Variants in UNC80 observed in about 807,000 individuals in gnomAD.
UNC80 encodes the protein unc-80 subunit of NALCN channel complex.
UNC80 carries 164 observed loss-of-function variants against 384.6 expected under a neutral mutation model. The ratio of observed to expected loss-of-function variants is 0.43; its 90% CI spans 0.38 to 0.49. The LOEUF (loss-of-function observed/expected upper bound fraction) is 0.49, where lower values mean the gene tolerates loss of function less well. Among genes scored for constraint, UNC80 ranks in the 20% least tolerant of loss-of-function variants. UNC80 has a pLI of 0.00. For missense variants in UNC80, 3,330 were observed against 4,143.0 expected, an observed-to-expected ratio of 0.80 and a Z score of 5.39; for synonymous variants, 1,486 against 1,527.8, an observed-to-expected ratio of 0.97 and a Z score of 0.64.
chr2:209,790,987 A>G (rs534845562), intron 6 of UNC80, among the ~76,000 whole-genome samples: 35 of 152,348 alleles, frequency 2.3e-4, no homozygotes, highest in Non-Finnish European at 3.8e-4. Context: ...CATCTTAGAT[A>G]CAATGAAATA....
chr2:209,885,921 C>G (rs530987458), intron 25 of UNC80, among the ~76,000 whole-genome samples: 65 of 152,004 alleles, frequency 4.3e-4, no homozygotes, highest in African/African-American at 1.4e-3. Flanking sequence ...CCTGCCATCA[C>G]GCCCACCTAA....
intron 23 of UNC80, among the ~76,000 whole-genome samples, chr2:209,875,041 C>CT (rs1311775747): frequency 6.6e-6 from 1 of 152,118 alleles, no homozygotes; most frequent in Non-Finnish European, 1.5e-5. Flanking sequence ...GATGATTAAA[C>CT]TTTTTTCCTA....
chr2:209,873,973 A>G (rs1559240621), intron 23 of UNC80, among the ~76,000 whole-genome samples: 2 of 122,256 alleles, frequency 1.6e-5, no homozygotes, highest in Admixed American at 1.6e-4. Context: ...AGATACACGT[A>G]TGTATGTGTG....
Position 209,945,895 on chromosome 2 carries a change from T to C in UNC80, c.7238T>C (p.Ile2413Thr), listed in dbSNP as rs1342762702. 4 of 1,552,100 alleles carry C rather than the reference T, an allele frequency of 2.6e-6. No individual in the cohort carries two copies. Among genetic ancestry groups the C allele is most frequent in the Non-Finnish European group, 3.5e-6 (4 of 1,147,018 alleles). The change falls in exon 47 of 65, where the codon ATT becomes ACT. Residue 2413 changes from isoleucine (I) to threonine (T), a missense_variant. Around this residue, in one of 8 missense-constraint regions of UNC80, gnomAD observed 1,049 missense variants for 1,488.6 expected, o/e 0.70. Coordinates refer to ENST00000673920, the MANE Select transcript of UNC80 (RefSeq NM_001371986.1). ...CTGACATTTTCTATCAGTGAAGCCA[T>C]TAAGCTCTGTGTCACTGTGGTGGCG... Reference protein sequence around the residue: ...EDLTFSISEAIKLCVTVVAYA... With the variant: ...EDLTFSISEATKLCVTVVAYA...
intron 7 of UNC80, among the ~76,000 whole-genome samples, chr2:209,811,378 T>C (rs1253272441): frequency 6.6e-6 from 1 of 152,138 alleles, no homozygotes; most frequent in Non-Finnish European, 1.5e-5. Flanking sequence ...TTGAATAATA[T>C]ATTGAAAGGA....
At chr2:209,846,410 T>G (rs1265302950) in intron 21 of UNC80, among the ~76,000 whole-genome samples, 1 of 152,100 alleles carries the variant, frequency 6.6e-6, no homozygotes, top group Non-Finnish European at 1.5e-5. Context: ...TAAAACAATT[T>G]TTTTCAAGTA....
At chr2:209,923,723 C>T (rs371467732) in intron 35 of UNC80, among the ~76,000 whole-genome samples, 94 of 152,272 alleles carry the variant, frequency 6.2e-4, no homozygotes, top group African/African-American at 2.2e-3. Flanking sequence ...CTGATGTTAA[C>T]ATAGATACTC....
chr2:209,894,939 G>A (rs748524530), intron 27 of UNC80, among the ~76,000 whole-genome samples: 1 of 152,122 alleles, frequency 6.6e-6, no homozygotes, highest in Non-Finnish European at 1.5e-5. Context: ...AGTCATTTAG[G>A]TTCTCAGGGA....
intron 4 of UNC80, among the ~76,000 whole-genome samples, chr2:209,780,511 A>C (rs2077097432): frequency 6.6e-6 from 1 of 152,096 alleles, no homozygotes; most frequent in African/African-American, 2.4e-5. Flanking sequence ...CTAGATCAGG[A>C]TTTCTCAGCC....
At chr2:209,994,404 T>A in intron 64 of UNC80, 140 bp downstream of exon 64, 3 of 716,400 alleles carry the variant, frequency 4.2e-6, no homozygotes, top group South Asian at 5.1e-5. Flanking sequence ...GCTCCTGCCA[T>A]CATGAAAGAG....
At chr2:209,784,127 G>A (rs78136000) in intron 4 of UNC80, among the ~76,000 whole-genome samples, 1,775 of 152,226 alleles carry the variant, frequency 0.012, 17 homozygotes, top group Admixed American at 0.025. Context: ...TCCACTTCCA[G>A]ACTATTAGCA....
At chr2:209,960,432 C>T (rs1296102399) in intron 51 of UNC80, among the ~76,000 whole-genome samples, 1 of 152,168 alleles carries the variant, frequency 6.6e-6, no homozygotes, top group Admixed American at 6.5e-5. Flanking sequence ...TCCAGAGGAC[C>T]TTCTATTCAG....
At chr2:209,820,858 A>G (rs13034819) in intron 13 of UNC80, among the ~76,000 whole-genome samples, 179 bp downstream of exon 13, 69,410 of 152,046 alleles carry the variant, frequency 0.46, 18,334 homozygotes, top group Non-Finnish European at 0.59. Flanking sequence ...AGTTGAATGC[A>G]ACTGTACTCT....
intron 5 of UNC80, among the ~76,000 whole-genome samples, chr2:209,788,981 A>T (rs1416519716): frequency 6.6e-6 from 1 of 152,154 alleles, no homozygotes; most frequent in Non-Finnish European, 1.5e-5. Context: ...TTCTATGTTT[A>T]GATACACAAA....
rs534869530 is a variant in UNC80, at chr2:209,934,858, G to A, written c.6178+853G>A. ...CATTCGATGAATGGGAATTGTGTATGTATAGGTTCTGTAGATTATCCAAAA... is the reference window on the plus strand; with the variant it reads ...CATTCGATGAATGGGAATTGTGTATATATAGGTTCTGTAGATTATCCAAAA... On this transcript the variant is annotated intron_variant, in intron 39 of 64. Transcript: ENST00000673920. Among the ~76,000 whole-genome samples the A allele has an allele frequency of 3.3e-5, 5 of 152,278 alleles. No individual in the cohort carries two copies. In the South Asian group the frequency reaches 8.3e-4, roughly 25 times the overall value.
intron 7 of UNC80, among the ~76,000 whole-genome samples, chr2:209,798,562 A>G (rs1016887718): frequency 2.0e-5 from 3 of 152,146 alleles, no homozygotes; most frequent in Non-Finnish European, 4.4e-5. Context: ...TGGTTACTGT[A>G]GCCTTGTAGT....
chr2:209,970,208 A>G lies in UNC80; in HGVS notation c.8130+317A>G, dbSNP rs937560930. ...GGTGGCGGAGCCTGCACAATTGGCT[A>G]GAAGTTGAGGTAGTCTGGGGTGGGG... is the stretch of plus-strand genomic sequence containing the variant. On this transcript the variant is annotated intron_variant, in intron 53 of 64. Coordinates refer to ENST00000673920, the MANE Select transcript of UNC80 (RefSeq NM_001371986.1). 12 of 314,892 alleles carry G rather than the reference A, an allele frequency of 3.8e-5. No individual in the cohort carries two copies. In the South Asian group the frequency reaches 6.9e-4, roughly 18 times the overall value. 19.5% of individuals were successfully genotyped at this position (314,892 alleles called of 1,614,324 possible).
At chr2:209,861,406 C>T (rs1455592006) in intron 22 of UNC80, among the ~76,000 whole-genome samples, 5 of 152,130 alleles carry the variant, frequency 3.3e-5, no homozygotes, top group African/African-American at 7.2e-5. Context: ...CAGACTTGAT[C>T]GTGATGGATA....
In UNC80 at chr2:209,933,942, C is replaced by G; in HGVS notation, c.6115C>G (p.Leu2039Val). Residue 2039 changes from leucine (L) to valine (V), a missense_variant, in exon 39 of 65, where the codon CTC becomes GTC. Physicochemically the swap from Leu to Val is conservative, Grantham distance 32 (BLOSUM62 1). This residue lies in a region of UNC80 where 1,049 missense variants were observed against 1,488.6 expected (regional missense o/e 0.70). Coordinates refer to ENST00000673920, the MANE Select transcript of UNC80 (RefSeq NM_001371986.1). ...CGTGGAGGGCCTCTTCTTCAAGGAT[C>G]TCAAGCAGACGATGAAGAAGGAGCA... is the stretch of plus-strand genomic sequence containing the variant. ...GYVEGLFFKD[L>V]KQTMKKEQCE... 5.2e-6 allele frequency: 8 copies of G among 1,550,886 alleles called. No individual in the cohort carries two copies. Among genetic ancestry groups the G allele is most frequent in the Non-Finnish European group, 7.0e-6 (8 of 1,146,814 alleles).
Sources: allele counts gnomAD v4.1 joint callset (sites outside exome capture counted in the v4.1 genomes callset), GRCh38; gene constraint gnomAD v4.1.1; regional missense constraint gnomAD v4.1.1; transcripts MANE v1.5; gene names NCBI Gene and HGNC (gene_info 2026-07-23, HGNC 2026-07-21).